DTNB: variants seen among roughly 807,000 people sequenced by gnomAD.
The protein encoded by DTNB is DTN-B.
A neutral mutation model predicts 90.7 loss-of-function variants in DTNB; 63 were observed. That is an observed-to-expected ratio of 0.69 (90% confidence interval 0.57 to 0.86). The LOEUF is 0.86. DTNB is among the 40% of genes least tolerant of loss of function. The pLI is 0.00. For synonymous variants in DTNB, 277 were observed against 286.7 expected (o/e 0.97, Z 0.34); for missense variants, 744 against 807.1 (o/e 0.92, Z 0.95).
At chr2:25,633,962 G>GCC (rs1229249208) in intron 3 of DTNB, among the ~76,000 whole-genome samples, 3 of 151,770 alleles carry the variant, frequency 2.0e-5, no homozygotes, top group African/African-American at 7.3e-5. Context: ...GAAGTGAGGA[G>GCC]CCCCTCCACC....
chr2:25,551,205 T>C (rs935845589), intron 8 of DTNB, among the ~76,000 whole-genome samples: 2 of 152,228 alleles, frequency 1.3e-5, no homozygotes, highest in Admixed American at 1.3e-4. Context: ...ATATTTTTCA[T>C]TTTCACGACT....
In DTNB at chr2:25,580,732, TG is replaced by T. The variant is rs1559111312; in HGVS notation, c.697del (p.His233MetfsTer19). 5 of 1,613,374 alleles carry T rather than the reference TG, an allele frequency of 3.1e-6. No individual in the cohort carries two copies. The highest frequency in any genetic ancestry group is 4.2e-6 in the Non-Finnish European group (5 of 1,179,518). On this transcript the variant is annotated frameshift_variant, in exon 7 of 21. Coordinates refer to ENST00000406818, the MANE Select transcript of DTNB (RefSeq NM_021907.5). LOFTEE classifies it high-confidence loss of function. ...AAAGTTCTGCTTACCATTCTCAACATGGGCAAGCCTGTGCATGAGAGGTAGC... is the reference window on the plus strand; with the variant it reads ...AAAGTTCTGCTTACCATTCTCAACATGGCAAGCCTGTGCATGAGAGGTAGC... The part of the protein sequence containing the change: ...VWLPLMHRLA[H>X]VENVFHPVEC...
At chr2:25,433,343 G>C (rs2054581264) in intron 13 of DTNB, among the ~76,000 whole-genome samples, 1 of 152,156 alleles carries the variant, frequency 6.6e-6, no homozygotes. Flanking sequence ...TGCAGGTCCT[G>C]TGCTGACTTC....
In DTNB at chr2:25,478,019, A is replaced by T. The variant is rs1161605918; in HGVS notation, c.1079+4777T>A. The stretch of plus-strand genomic sequence containing the variant: ...TTTGTTCTTGTGAGTTTTTACTTTA[A>T]AAAAAAAAAAAAAAAGAAACCTCTT... On this transcript the variant is annotated intron_variant, in intron 10 of 20. Transcript: ENST00000406818. Among the ~76,000 whole-genome samples, 3 of 412 alleles carry T rather than the reference A, an allele frequency of 7.3e-3. No individual in the cohort carries two copies. In the Non-Finnish European group the frequency reaches 0.083, roughly 11 times the overall value. 0.3% of individuals were successfully genotyped at this position (412 alleles called of 152,430 possible).
chr2:25,609,278 T>C (rs960654333), intron 4 of DTNB, among the ~76,000 whole-genome samples: 2 of 152,096 alleles, frequency 1.3e-5, no homozygotes, highest in African/African-American at 2.4e-5. Flanking sequence ...CAAAAGAAAC[T>C]ATTGCTGAAG....
intron 6 of DTNB, among the ~76,000 whole-genome samples, chr2:25,592,232 T>G (rs1196479176): frequency 6.6e-6 from 1 of 152,138 alleles, no homozygotes; most frequent in African/African-American, 2.4e-5. Context: ...TTTTTAATAA[T>G]GGACATCCAG....
At chr2:25,413,627 C>T (rs990606453) in intron 16 of DTNB, among the ~76,000 whole-genome samples, 3 of 152,038 alleles carry the variant, frequency 2.0e-5, no homozygotes, top group East Asian at 1.9e-4. Context: ...AGTATTCCAT[C>T]GTGTATATGT....
intron 9 of DTNB, among the ~76,000 whole-genome samples, chr2:25,526,758 A>G (rs994566465): frequency 6.6e-6 from 1 of 152,118 alleles, no homozygotes; most frequent in Non-Finnish European, 1.5e-5. Flanking sequence ...GCTAACAAAA[A>G]CATACACGAC....
intron 2 of DTNB, among the ~76,000 whole-genome samples, chr2:25,645,139 T>C (rs147026183): frequency 0.011 from 1,724 of 152,080 alleles, 26 homozygotes; most frequent in African/African-American, 0.039. Flanking sequence ...TCCCAGCACG[T>C]TGGGAGGCTG....
chr2:25,669,819 G>C (rs1018474420), intron 1 of DTNB, among the ~76,000 whole-genome samples: 1 of 151,848 alleles, frequency 6.6e-6, no homozygotes, highest in Non-Finnish European at 1.5e-5. Context: ...TGGCACGCAA[G>C]TGTAGTCCCA....
intron 4 of DTNB, among the ~76,000 whole-genome samples, chr2:25,618,893 G>A (rs1052293950): frequency 6.6e-6 from 1 of 152,074 alleles, no homozygotes; most frequent in Non-Finnish European, 1.5e-5. Context: ...ATCCAACACT[G>A]AGAAAACACC....
chr2:25,560,792 T>C (rs2058141187), intron 8 of DTNB, among the ~76,000 whole-genome samples: 3 of 152,220 alleles, frequency 2.0e-5, no homozygotes, highest in Admixed American at 6.5e-5. Context: ...TCCTAGAGCT[T>C]GCAGAGAGAG....
intron 4 of DTNB, among the ~76,000 whole-genome samples, chr2:25,617,569 A>G (rs544433649): frequency 2.0e-5 from 3 of 152,344 alleles, no homozygotes; most frequent in South Asian, 4.1e-4. Context: ...CACAAAAGTT[A>G]TAATTGTATA....
chr2:25,525,331 C>T (rs200310661), intron 9 of DTNB, among the ~76,000 whole-genome samples: 2 of 152,132 alleles, frequency 1.3e-5, no homozygotes, highest in East Asian at 3.8e-4. Context: ...GTTTTATCTA[C>T]AATGTTTTAT....
intron 9 of DTNB, among the ~76,000 whole-genome samples, chr2:25,491,337 T>C (rs928639550): frequency 1.3e-5 from 2 of 152,132 alleles, no homozygotes; most frequent in African/African-American, 4.8e-5. Flanking sequence ...AAAATGAGAA[T>C]AAAGAAAACA....
At chr2:25,410,927 G>A (rs2046422509) in intron 16 of DTNB, among the ~76,000 whole-genome samples, 1 of 148,416 alleles carries the variant, frequency 6.7e-6, no homozygotes, top group South Asian at 2.1e-4. Flanking sequence ...CTTAGGAACT[G>A]CCTTTTCTTT....
At chr2:25,650,185 A>G (rs1056401996) in intron 2 of DTNB, 14 of 985,302 alleles carry the variant, frequency 1.4e-5, no homozygotes, top group Non-Finnish European at 1.7e-5. Flanking sequence ...TACTTAAGGC[A>G]CCCCAGCCTC....
At position 25,475,004 on chromosome 2, in the gene DTNB, G is replaced by A. The variant is rs536390515; in HGVS notation, c.1079+7792C>T. ...ACCATCTCTCTCTCTCTCTTCTCAG[G>A]CCTCCCTATTCCCTAAGACATAAAA... is the stretch of plus-strand genomic sequence containing the variant. On this transcript the variant is annotated intron_variant, in intron 10 of 20. Transcript: ENST00000406818. Among the ~76,000 whole-genome samples the A allele has an allele frequency of 2.4e-4, 36 of 152,106 alleles. 1 individual carries two copies. Among genetic ancestry groups the A allele is most frequent in the African/African-American group, 7.5e-4 (31 of 41,480 alleles).
chr2:25,479,219 G>A (rs1159373881), intron 10 of DTNB, among the ~76,000 whole-genome samples: 1 of 152,132 alleles, frequency 6.6e-6, no homozygotes, highest in African/African-American at 2.4e-5. Flanking sequence ...CACAGCTAAA[G>A]CTTTAGAAGA....
Sources: allele counts gnomAD v4.1 joint callset (sites outside exome capture counted in the v4.1 genomes callset), GRCh38; gene constraint gnomAD v4.1.1; transcripts MANE v1.5; gene names NCBI Gene and HGNC (gene_info 2026-07-23, HGNC 2026-07-21).